The following DNAH14 variants were observed in gnomAD, a reference collection of about 807,000 sequenced individuals.
The protein encoded by DNAH14 is axonemal beta dynein heavy chain 14.
A neutral mutation model predicts 520.9 loss-of-function variants in DNAH14; 478 were observed. The observed-to-expected ratio is 0.92, with a 90% CI of 0.85 to 0.99. The LOEUF (loss-of-function observed/expected upper bound fraction) is 0.99. Ranked by LOEUF, DNAH14 falls within the 50% of genes least tolerant of loss-of-function variation. The pLI, the probability that DNAH14 is intolerant of heterozygous loss-of-function variation, is 0.00. For missense variants in DNAH14, 4,831 were observed against 5,234.5 expected (o/e 0.92, Z 2.38); for synonymous variants, 1,581 against 1,757.2 (o/e 0.90, Z 2.51).
At chr1:225,044,353 A>G (rs6680233) in intron 15 of DNAH14, among the ~76,000 whole-genome samples, 6,376 of 152,266 alleles carry the variant, frequency 0.042, 392 homozygotes, top group African/African-American at 0.13. Flanking sequence ...GTATGTACAC[A>G]ATCTGAAATT....
intron 53 of DNAH14, among the ~76,000 whole-genome samples, chr1:225,277,163 C>T (rs2093505137): frequency 6.7e-6 from 1 of 150,258 alleles, no homozygotes; most frequent in African/African-American, 2.5e-5. Flanking sequence ...TATTGTTTGC[C>T]TCTTCATTCT....
intron 42 of DNAH14, among the ~76,000 whole-genome samples, chr1:225,238,365 TC>T (rs1305450302): frequency 3.3e-5 from 5 of 152,186 alleles, no homozygotes; most frequent in Admixed American, 6.5e-5. Flanking sequence ...AGACCACTTT[TC>T]CATAGGGCAG....
At position 225,231,120 on chromosome 1, in the gene DNAH14, G is replaced by C. The variant is rs1368663897; in HGVS notation, c.6487G>C (p.Glu2163Gln). The C allele has an allele frequency of 1.3e-6, 2 of 1,547,654 alleles. No homozygotes were observed. The highest frequency in any genetic ancestry group is 8.7e-7 in the Non-Finnish European group (1 of 1,145,172). Residue 2163 changes from glutamate (E) to glutamine (Q), a missense_variant, in exon 42 of 86, where the codon GAG (glutamate) becomes CAG (glutamine). Transcript: ENST00000682510. ...ATCTAAGGAGGCAAATTCCCAAAGA[G>C]AGTCTGTCACATTCAAGGATATAGA... is the stretch of plus-strand genomic sequence containing the variant. ...TSSKEANSQRESVTFKDIEKR... is the reference protein window; with the variant it reads ...TSSKEANSQRQSVTFKDIEKR...
At chr1:225,063,555 A>G (rs2148435825) in intron 17 of DNAH14, among the ~76,000 whole-genome samples, 1 of 152,252 alleles carries the variant, frequency 6.6e-6, no homozygotes, top group Middle Eastern at 3.4e-3. Context: ...AAAAAATCTG[A>G]ACTTGAAATA....
intron 8 of DNAH14, among the ~76,000 whole-genome samples, chr1:224,987,339 A>G (rs1389692806): frequency 1.3e-5 from 2 of 152,166 alleles, no homozygotes; most frequent in African/African-American, 4.8e-5. Context: ...GAAGAGAGAG[A>G]CAGAATTATC....
intron 5 of DNAH14, among the ~76,000 whole-genome samples, chr1:224,965,384 A>G (rs1427606761): frequency 6.6e-6 from 1 of 152,096 alleles, no homozygotes; most frequent in African/African-American, 2.4e-5. Flanking sequence ...ACATGATTCT[A>G]ATGCACAATT....
chr1:225,222,982 A>G (rs1255414944), intron 41 of DNAH14, among the ~76,000 whole-genome samples: 2 of 152,200 alleles, frequency 1.3e-5, no homozygotes, highest in African/African-American at 4.8e-5. Context: ...AATTCTACAC[A>G]GAAGAGCCTA....
At chr1:224,933,215 T>G (rs1348293138) in intron 1 of DNAH14, among the ~76,000 whole-genome samples, 1 of 152,116 alleles carries the variant, frequency 6.6e-6, no homozygotes. Flanking sequence ...CTGCTTGATT[T>G]ATTTCTTGGC....
At chr1:225,321,099 A>C (rs763902133) in intron 61 of DNAH14, among the ~76,000 whole-genome samples, 31 of 152,228 alleles carry the variant, frequency 2.0e-4, no homozygotes, top group Non-Finnish European at 3.5e-4. Flanking sequence ...CCAAGCTGAT[A>C]ATCTCAGAAA....
intron 23 of DNAH14, among the ~76,000 whole-genome samples, chr1:225,106,760 T>G (rs143520993): frequency 0.02 from 3,069 of 152,304 alleles, 46 homozygotes; most frequent in East Asian, 0.06. Context: ...TCTGCATTGG[T>G]TATTCTAGTT....
chr1:225,250,490 T>C (rs2092493823), intron 43 of DNAH14, among the ~76,000 whole-genome samples: 2 of 152,216 alleles, frequency 1.3e-5, no homozygotes, highest in Non-Finnish European at 2.9e-5. Flanking sequence ...CAAAGAAGAA[T>C]ATACAACAGA....
chr1:225,265,265 A>G lies in DNAH14; in HGVS notation c.7306A>G (p.Ile2436Val), dbSNP rs201372112. ...NDHKGVVVST[I>V]NFSTNVTAAK... ...TCATAAAGGAGTTGTAGTCTCTACA[A>G]TAAATTTTAGCACCAATGTAACAGC... Residue 2436 changes from isoleucine (I) to valine (V), a missense_variant, in exon 48 of 86, where the codon ATA becomes GTA. Transcript: ENST00000682510. The G allele has an allele frequency of 3.7e-4, 566 of 1,544,288 alleles. No individual in the cohort carries two copies. Among genetic ancestry groups the G allele is most frequent in the Non-Finnish European group, 4.4e-4 (509 of 1,144,582 alleles).
At position 225,205,998 on chromosome 1, in the gene DNAH14, A is replaced by T; in HGVS notation, c.6005A>T (p.Asp2002Val). 2 of 1,551,606 alleles carry T rather than the reference A, an allele frequency of 1.3e-6. No individual in the cohort carries two copies. Among genetic ancestry groups the T allele is most frequent in the Non-Finnish European group, 8.7e-7 (1 of 1,146,814 alleles). The change falls in exon 40 of 86, where the codon GAT (aspartate) becomes GTT (valine). Residue 2002 changes from aspartate (D) to valine (V), a missense_variant. Physicochemically the swap from Asp to Val is radical, Grantham distance 152 (BLOSUM62 -3). Coordinates refer to ENST00000682510, the MANE Select transcript of DNAH14 (RefSeq NM_001367479.1). Reference sequence around the variant, plus strand: ...TTTGATTGGCAGTGGATTATCCTAGATGGCCCAGTGGACACCTTTTGGGTA... The same window carrying T: ...TTTGATTGGCAGTGGATTATCCTAGTTGGCCCAGTGGACACCTTTTGGGTA... The part of the protein sequence containing the change: ...HNFDWQWIIL[D>V]GPVDTFWVEN...
chr1:224,969,736 T>A (rs548151807), intron 7 of DNAH14: 1 of 209,116 alleles, frequency 4.8e-6, no homozygotes. Context: ...ATTAATACTT[T>A]TATAATTTCT....
intron 20 of DNAH14, among the ~76,000 whole-genome samples, chr1:225,083,732 A>G (rs1414358113): frequency 1.3e-5 from 2 of 152,236 alleles, no homozygotes; most frequent in South Asian, 2.1e-4. Flanking sequence ...GAGCCTCCTA[A>G]CTGATATACA....
At chr1:225,021,105 A>G (rs1388363000) in intron 10 of DNAH14, among the ~76,000 whole-genome samples, 3 of 152,216 alleles carry the variant, frequency 2.0e-5, no homozygotes, top group East Asian at 1.9e-4. Context: ...ACATCCCTGC[A>G]TGTTAAAAAC....
At chr1:224,951,778 G>A (rs941102579) in intron 1 of DNAH14, among the ~76,000 whole-genome samples, 6 of 151,276 alleles carry the variant, frequency 4.0e-5, no homozygotes, top group Admixed American at 3.3e-4. Context: ...CGCCTCCCGA[G>A]TAGCTGGGAC....
intron 69 of DNAH14, among the ~76,000 whole-genome samples, chr1:225,343,743 G>T (rs955983178): frequency 3.3e-5 from 5 of 151,760 alleles, no homozygotes; most frequent in Non-Finnish European, 5.9e-5. Flanking sequence ...AATAAATTGT[G>T]TTTCTAGTAA....
intron 34 of DNAH14, among the ~76,000 whole-genome samples, chr1:225,158,999 G>A (rs1051415033): frequency 6.6e-6 from 1 of 152,156 alleles, no homozygotes; most frequent in Non-Finnish European, 1.5e-5. Flanking sequence ...AAATCAGTAT[G>A]TTATTTTTTA....
Sources: gnomAD v4.1 joint callset for allele counts (sites outside exome capture counted in the v4.1 genomes callset) on GRCh38, gnomAD v4.1.1 for gene constraint, MANE v1.5 for transcripts, NCBI Gene and HGNC (gene_info 2026-07-23, HGNC 2026-07-21) for gene names.